Variants in CA12 observed in about 807,000 individuals in gnomAD.
The protein encoded by CA12 is carbonate dehydratase XII.
In CA12, 36 loss-of-function variants were observed where a neutral mutation model predicts 46.8. That is an observed-to-expected ratio of 0.77 (90% confidence interval 0.59 to 1.02). The LOEUF is 1.02. Ranked by LOEUF, CA12 falls within the 50% of genes least tolerant of loss-of-function variation. The pLI, the probability that CA12 is intolerant of heterozygous loss-of-function variation, is 0.00. For synonymous variants in CA12, 202 were observed against 187.0 expected, an observed-to-expected ratio of 1.08 and a Z score of -0.65; for missense variants, 436 against 451.4, an observed-to-expected ratio of 0.97 and a Z score of 0.31.
chr15:63,362,268 T>A (rs1443207729), intron 2 of CA12, among the ~76,000 whole-genome samples: 1 of 152,242 alleles, frequency 6.6e-6, no homozygotes, highest in Non-Finnish European at 1.5e-5. Context: ...GCAATCTGAA[T>A]AACAATGCTA....
intron 2 of CA12, among the ~76,000 whole-genome samples, chr15:63,357,468 T>C (rs2039309499): frequency 6.6e-6 from 1 of 152,122 alleles, no homozygotes; most frequent in Non-Finnish European, 1.5e-5. Flanking sequence ...GTCCCTGAGA[T>C]CAGGATTAAT....
rs144195534 is a variant in CA12 at position 63,354,303 on chromosome 15, G to T, written c.107-7594C>A. ...TTGTTATGAATAAAGCTCAAAGCTG[G>T]ACTTGCCATAGCAGGCCAACTCTTT... On this transcript the variant is annotated intron_variant, in intron 2 of 10. Coordinates refer to ENST00000178638, the MANE Select transcript of CA12 (RefSeq NM_001218.5). 2.4e-3 allele frequency among the ~76,000 whole-genome samples: 371 copies of T among 152,330 alleles called. 5 individuals are homozygous for T. Among genetic ancestry groups the T allele is most frequent in the African/African-American group, 8.5e-3 (355 of 41,574 alleles).
At chr15:63,376,042 C>T (rs1306603581) in intron 1 of CA12, among the ~76,000 whole-genome samples, 3 of 152,188 alleles carry the variant, frequency 2.0e-5, no homozygotes, top group African/African-American at 7.2e-5. Context: ...CTCCCGACCT[C>T]AGGTGATCCG....
intron 2 of CA12, among the ~76,000 whole-genome samples, chr15:63,369,725 G>A (rs556327583): frequency 5.3e-5 from 8 of 152,184 alleles, no homozygotes; most frequent in Non-Finnish European, 1.0e-4. Context: ...ACTTTCCTAA[G>A]GCGCACCAGA....
At chr15:63,370,716 T>C in intron 2 of CA12, among the ~76,000 whole-genome samples, 1 of 148,566 alleles carries the variant, frequency 6.7e-6, no homozygotes, top group South Asian at 2.1e-4. Context: ...GAGGTTGCAG[T>C]GAGCCAAGAT....
intron 1 of CA12, among the ~76,000 whole-genome samples, chr15:63,381,268 A>G (rs796518847): frequency 1.2e-4 from 19 of 152,336 alleles, no homozygotes; most frequent in African/African-American, 4.3e-4. Context: ...GCTTACCCCA[A>G]TCAGAATGCC....
In CA12 at chr15:63,327,065, A is replaced by C. The variant is rs1385673083; in HGVS notation, c.992+84T>G. ...GTGGTCCAGGTGACTGCGGCTCTTC[A>C]TGCCACAAAGCTGCCTTCCCAGGCA... On this transcript the variant is annotated intron_variant, in intron 10 of 10. Coordinates refer to ENST00000178638, the MANE Select transcript of CA12 (RefSeq NM_001218.5). The surrounding 1 kb of genome is among the most constrained non-coding windows in gnomAD (Gnocchi z 4.5). 4 of 1,277,680 alleles carry C rather than the reference A, an allele frequency of 3.1e-6. No individual in the cohort carries two copies. The Admixed American group carries it at 5.2e-5, about 17-fold the overall frequency. The allele number at this position is 1,277,680 out of a possible 1,614,324, so 79.1% of individuals were successfully genotyped here.
chr15:63,354,967 G>A (rs190430080), intron 2 of CA12, among the ~76,000 whole-genome samples: 25 of 152,316 alleles, frequency 1.6e-4, no homozygotes, highest in African/African-American at 5.5e-4. Flanking sequence ...CCTGCATCAG[G>A]TTCCTTCTGG....
intron 2 of CA12, among the ~76,000 whole-genome samples, chr15:63,351,666 C>T (rs557497931): frequency 1.4e-4 from 21 of 152,212 alleles, no homozygotes; most frequent in Middle Eastern, 3.2e-3. Flanking sequence ...CTGCACCTTT[C>T]CAAATTTCGT....
chr15:63,357,118 A>G (rs1567049922), intron 2 of CA12, among the ~76,000 whole-genome samples: 1 of 152,228 alleles, frequency 6.6e-6, no homozygotes, highest in Admixed American at 6.5e-5. Context: ...TTATGGAACC[A>G]AACGTATGGC....
In CA12 at chr15:63,345,797, C is replaced by T. The variant is rs1457913256; in HGVS notation, c.287-178G>A. Among the ~76,000 whole-genome samples, 2 of 152,236 alleles carry T rather than the reference C, an allele frequency of 1.3e-5. No individual in the cohort carries two copies. Among genetic ancestry groups the T allele is most frequent in the Non-Finnish European group, 2.9e-5 (2 of 68,038 alleles). ...AGCCTAAAGGTCAGACACCTGGGCTCTTTCCCTGAGAATGTTCCCTTTTCC... is the reference window on the plus strand; with the variant it reads ...AGCCTAAAGGTCAGACACCTGGGCTTTTTCCCTGAGAATGTTCCCTTTTCC... On this transcript the variant is annotated intron_variant, in intron 3 of 10. Transcript: ENST00000178638. This position sits in a 1 kb window ranked among gnomAD's most constrained non-coding sequence, Gnocchi z 4.3.
At chr15:63,337,886 C>G (rs946885013) in intron 8 of CA12, among the ~76,000 whole-genome samples, 4 of 152,134 alleles carry the variant, frequency 2.6e-5, no homozygotes, top group African/African-American at 9.7e-5. Flanking sequence ...ATATGAACGC[C>G]AGGCCCGGTT....
chr15:63,322,479 C>T lies in CA12; in HGVS notation c.*3806G>A, dbSNP rs141172863. 352 of 151,666 alleles carry T rather than the reference C, an allele frequency of 2.3e-3. 6 individuals carry two copies. The highest frequency in any genetic ancestry group is 0.021 in the Admixed American group (317 of 15,220). 9.4% of individuals were successfully genotyped at this position (151,666 alleles called of 1,614,324 possible). ...ACGTGTCTCATGTTATATTTTATTACATTTCTCTCGGCCTGTGTGCTCTAG... is the reference window on the plus strand; with the variant it reads ...ACGTGTCTCATGTTATATTTTATTATATTTCTCTCGGCCTGTGTGCTCTAG... On this transcript the variant is annotated 3_prime_UTR_variant, in exon 11 of 11. Coordinates refer to ENST00000178638, the MANE Select transcript of CA12 (RefSeq NM_001218.5). The surrounding 1 kb of genome is among the most constrained non-coding windows in gnomAD (Gnocchi z 4.1).
In CA12 at chr15:63,330,338, G is replaced by T. The variant is rs1046374953; in HGVS notation, c.875-2208C>A. Among the ~76,000 whole-genome samples, 4 of 152,186 alleles carry T rather than the reference G, an allele frequency of 2.6e-5. No individual in the cohort carries two copies. Among genetic ancestry groups the T allele is most frequent in the African/African-American group, 9.7e-5 (4 of 41,436 alleles). On this transcript the variant is annotated intron_variant, in intron 8 of 10. Transcript: ENST00000178638. This position sits in a 1 kb window ranked among gnomAD's most constrained non-coding sequence, Gnocchi z 4.0. Reference sequence around the variant, plus strand: ...TTTTTTAAATGTAACCAGAGACCATGGTCCCTGGAATCTTAAAAAAACAAA... The same window carrying T: ...TTTTTTAAATGTAACCAGAGACCATTGTCCCTGGAATCTTAAAAAAACAAA...
rs1205482604 is a variant in CA12 at position 63,346,672 on chromosome 15, C to T, written c.144G>A (p.Pro48=). ...DGENSWSKKY[P]SCGGLLQSPI... is the part of the protein sequence containing the mutation. Reference sequence around the variant, plus strand: ...GGGACTGCAGCAGGCCCCCACACGACGGGTACTTCTTGGACCAGCTATTCT... The same window carrying T: ...GGGACTGCAGCAGGCCCCCACACGATGGGTACTTCTTGGACCAGCTATTCT... Residue 48 remains proline, a synonymous_variant, in exon 3 of 11, where the codon CCG becomes CCA. Transcript: ENST00000178638. 6.8e-6 allele frequency: 11 copies of T among 1,614,164 alleles called. No individual in the cohort carries two copies. The highest frequency in any genetic ancestry group is 6.7e-5 in the East Asian group (3 of 44,886).
chr15:63,354,668 C>T (rs989500072), intron 2 of CA12, among the ~76,000 whole-genome samples: 18 of 152,164 alleles, frequency 1.2e-4, no homozygotes, highest in African/African-American at 4.3e-4. Context: ...AGTCTTGTGG[C>T]TTAGCTGTGT....
Position 63,329,557 on chromosome 15 carries a change from C to T in CA12, c.875-1427G>A, listed in dbSNP as rs2038909566. Among the ~76,000 whole-genome samples the T allele has an allele frequency of 6.6e-6, 1 of 152,166 alleles. No homozygotes were observed. Among genetic ancestry groups the T allele is most frequent in the Non-Finnish European group, 1.5e-5 (1 of 68,026 alleles). On this transcript the variant is annotated intron_variant, in intron 8 of 10. Coordinates refer to ENST00000178638, the MANE Select transcript of CA12 (RefSeq NM_001218.5). The surrounding 1 kb of genome is among the most constrained non-coding windows in gnomAD (Gnocchi z 4.8). ...GTACCCTTCTGTCTGGTGGTTTTCT[C>T]ATCTCAATGGAAACTTCTAGCATGT...
chr15:63,335,887 G>GAA (rs2038997027), intron 8 of CA12, among the ~76,000 whole-genome samples: 1 of 152,202 alleles, frequency 6.6e-6, no homozygotes, highest in Non-Finnish European at 1.5e-5. Flanking sequence ...GCAGCCCCCT[G>GAA]GGCAGATGAG....
intron 2 of CA12, among the ~76,000 whole-genome samples, chr15:63,361,897 T>C (rs139762324): frequency 2.0e-5 from 3 of 152,352 alleles, no homozygotes; most frequent in African/African-American, 7.2e-5. Context: ...GCATTCATCA[T>C]AGGACCTCAT....
Sources: allele counts gnomAD v4.1 joint callset (sites outside exome capture counted in the v4.1 genomes callset), GRCh38; gene constraint gnomAD v4.1.1; non-coding constraint Gnocchi (gnomAD v3.1); transcripts MANE v1.5; gene names NCBI Gene and HGNC (gene_info 2026-07-23, HGNC 2026-07-21).